Variants in PSD3 observed in about 807,000 individuals in gnomAD.
PSD3 encodes pleckstrin and Sec7 domain containing 3.
A neutral mutation model predicts 105.5 loss-of-function variants in PSD3; 49 were observed. The ratio of observed to expected loss-of-function variants is 0.46; its 90% CI spans 0.37 to 0.59. The LOEUF is 0.59. PSD3 is among the 20% of genes least tolerant of loss of function. The pLI is 0.00. For missense variants in PSD3, 1,561 were observed against 1,263.8 expected, an observed-to-expected ratio of 1.24 and a Z score of -3.57; for synonymous variants, 557 against 457.8, an observed-to-expected ratio of 1.22 and a Z score of -2.77.
chr8:18,551,779 T>G (rs957790228), intron 15 of PSD3, among the ~76,000 whole-genome samples: 4 of 152,204 alleles, frequency 2.6e-5, no homozygotes, highest in African/African-American at 9.7e-5. Flanking sequence ...CCTGCTGGAT[T>G]GGAACCTGAA....
chr8:18,641,064 G>T (rs1416011964), intron 10 of PSD3, among the ~76,000 whole-genome samples: 1 of 152,184 alleles, frequency 6.6e-6, no homozygotes, highest in Non-Finnish European at 1.5e-5. Flanking sequence ...GCATTACACA[G>T]CAGAGGCTTG....
chr8:18,541,591 G>T (rs979346576), intron 15 of PSD3, among the ~76,000 whole-genome samples: 4 of 152,024 alleles, frequency 2.6e-5, no homozygotes, highest in African/African-American at 9.7e-5. Flanking sequence ...ATATTCTCTT[G>T]ACCTCTGTTG....
intron 1 of PSD3, among the ~76,000 whole-genome samples, chr8:18,950,602 GC>G (rs1240158532): frequency 6.6e-6 from 1 of 152,106 alleles, no homozygotes; most frequent in Non-Finnish European, 1.5e-5. Flanking sequence ...CTGTTTTAGA[GC>G]CCACATACAA....
At chr8:18,892,003 A>G (rs915030087) in intron 2 of PSD3, among the ~76,000 whole-genome samples, 1 of 152,170 alleles carries the variant, frequency 6.6e-6, no homozygotes, top group African/African-American at 2.4e-5. Flanking sequence ...ATAAGAAGCA[A>G]CCCTCAGACC....
rs1341468756 is a variant in PSD3, at chr8:18,851,306, T to G, written c.1634+16368A>C. Among the ~76,000 whole-genome samples the G allele has an allele frequency of 3.3e-5, 5 of 152,268 alleles. No individual in the cohort carries two copies. The East Asian group carries it at 9.7e-4, about 29-fold the overall frequency. On this transcript the variant is annotated intron_variant, in intron 4 of 15. Coordinates refer to ENST00000327040, the MANE Select transcript of PSD3 (RefSeq NM_015310.4). ...GGAAGTTGAGCCTACATCTTCCAAC[T>G]CCATATTCAGCACCTTCTACTCTAC...
intron 9 of PSD3, among the ~76,000 whole-genome samples, chr8:18,660,602 A>T (rs77774403): frequency 1.3e-5 from 2 of 152,192 alleles, no homozygotes; most frequent in African/African-American, 4.8e-5. Context: ...ACAGTGCACA[A>T]GAAAATCAAC....
chr8:18,767,526 T>TA (rs1478827916), intron 8 of PSD3, among the ~76,000 whole-genome samples: 5 of 152,062 alleles, frequency 3.3e-5, no homozygotes, highest in Admixed American at 2.0e-4. Context: ...GGCAGGTAGA[T>TA]AACGAGGTCA....
At chr8:18,739,984 A>C (rs1202747923) in intron 9 of PSD3, among the ~76,000 whole-genome samples, 1 of 152,230 alleles carries the variant, frequency 6.6e-6, no homozygotes, top group African/African-American at 2.4e-5. Flanking sequence ...ATATAATATC[A>C]AATCTGGGAT....
upstream of PSD3, among the ~76,000 whole-genome samples, chr8:19,014,769 CA>C (rs2129475609): frequency 6.6e-6 from 1 of 152,332 alleles, no homozygotes; most frequent in Non-Finnish European, 1.5e-5. The surrounding 1 kb of genome is among the most constrained non-coding windows in gnomAD (Gnocchi z 4.9). Flanking sequence ...TCTCGCCCAC[CA>C]TGTCAGCATG....
chr8:19,067,722 G>T (rs1184816778), intron 1 of PSD3, among the ~76,000 whole-genome samples: 2 of 152,156 alleles, frequency 1.3e-5, no homozygotes, highest in African/African-American at 4.8e-5. Flanking sequence ...AATGAAGCAG[G>T]CAGGAGCTGT....
intron 11 of PSD3, among the ~76,000 whole-genome samples, chr8:18,617,328 C>T (rs1043166446): frequency 2.6e-5 from 4 of 151,978 alleles, no homozygotes; most frequent in Admixed American, 2.0e-4. Flanking sequence ...GTAAGGGGTT[C>T]GAGACCAACC....
At chr8:18,600,173 T>A (rs530818041) in intron 12 of PSD3, among the ~76,000 whole-genome samples, 191 bp downstream of exon 12, 1 of 152,208 alleles carries the variant, frequency 6.6e-6, no homozygotes, top group Non-Finnish European at 1.5e-5. Flanking sequence ...ATTACGCTAC[T>A]GAGAACAGCA....
chr8:18,951,138 C>T (rs368844661), intron 1 of PSD3, among the ~76,000 whole-genome samples: 16 of 152,116 alleles, frequency 1.1e-4, no homozygotes, highest in East Asian at 7.7e-4. Context: ...CTCATACCTA[C>T]GATCCCAGCA....
chr8:18,859,151 G>T (rs552222451), intron 4 of PSD3, among the ~76,000 whole-genome samples: 1 of 151,646 alleles, frequency 6.6e-6, no homozygotes, highest in South Asian at 2.1e-4. Flanking sequence ...CAGTCTTCTT[G>T]TACATCTCCA....
intron 10 of PSD3, among the ~76,000 whole-genome samples, chr8:18,644,399 T>C (rs910151770): frequency 3.9e-5 from 6 of 152,240 alleles, no homozygotes; most frequent in African/African-American, 1.4e-4. Flanking sequence ...TCCTTGCTCA[T>C]AAATTCTGCC....
chr8:18,619,023 A>G (rs1306104447), intron 11 of PSD3, among the ~76,000 whole-genome samples: 2 of 152,114 alleles, frequency 1.3e-5, no homozygotes, highest in Admixed American at 1.3e-4. Flanking sequence ...CACCAAGAGT[A>G]TTACTGGCAT....
chr8:19,062,389 T>A (rs905366351), intron 1 of PSD3, among the ~76,000 whole-genome samples: 1 of 152,136 alleles, frequency 6.6e-6, no homozygotes, highest in Admixed American at 6.5e-5. Flanking sequence ...GGGGTGATCA[T>A]CAAGTCCAAA....
Position 18,872,589 on chromosome 8 carries a change from T to C in PSD3, c.275A>G (p.Gln92Arg), listed in dbSNP as rs775845078. 1.2e-6 allele frequency: 2 copies of C among 1,614,102 alleles called. No homozygotes were observed. Among genetic ancestry groups the C allele is most frequent in the Non-Finnish European group, 8.5e-7 (1 of 1,180,020 alleles). ...GCAGCCAGTAAGAGGCTGGACACCC[T>C]GCTGCTCTTGTGGGTGGCATGGCAG... ...EALPCHPQEQ[Q>R]GVQPLTGCHS... is the part of the protein sequence containing the mutation. Residue 92 changes from glutamine (Q) to arginine (R), a missense_variant, in exon 3 of 16, where the codon CAG (glutamine) becomes CGG (arginine). Transcript: ENST00000327040.
At chr8:18,762,791 A>G in intron 9 of PSD3, 1 of 550,266 alleles carries the variant, frequency 1.8e-6, no homozygotes, top group Non-Finnish European at 2.8e-6. Flanking sequence ...AGGACTGTAC[A>G]CAAGCTTCTC....
Sources: allele counts gnomAD v4.1 joint callset (sites outside exome capture counted in the v4.1 genomes callset), GRCh38; gene constraint gnomAD v4.1.1; non-coding constraint Gnocchi (gnomAD v3.1); transcripts MANE v1.5; gene names NCBI Gene and HGNC (gene_info 2026-07-23, HGNC 2026-07-21).